Variants in ARHGEF3 observed in about 807,000 individuals in gnomAD.
The protein encoded by ARHGEF3 is 59.8 kDA protein.
Under a neutral mutation model 63.2 loss-of-function variants are expected in ARHGEF3, and 28 were observed. That is an observed-to-expected ratio of 0.44 (90% CI 0.33 to 0.61). The LOEUF is 0.61. Ranked by LOEUF, ARHGEF3 falls within the 20% of genes least tolerant of loss-of-function variation. The pLI is 0.03. For synonymous variants in ARHGEF3, 266 were observed against 254.2 expected, an observed-to-expected ratio of 1.05 and a Z score of -0.44; for missense variants, 533 against 659.3, an observed-to-expected ratio of 0.81 and a Z score of 2.10.
At chr3:56,806,445 G>A (rs1032807091), upstream of ARHGEF3, among the ~76,000 whole-genome samples, 2 of 152,222 alleles carry the variant, frequency 1.3e-5, no homozygotes, top group Non-Finnish European at 2.9e-5. Context: ...CAAAGAAACG[G>A]CACAAAGTGT....
chr3:56,843,619 T>C (rs942085407), intron 4 of ARHGEF3, among the ~76,000 whole-genome samples: 5 of 152,330 alleles, frequency 3.3e-5, no homozygotes, highest in African/African-American at 1.2e-4. Context: ...TGGCAATCTT[T>C]TCATCTTTCA....
chr3:56,835,322 C>A (rs1175312894), intron 4 of ARHGEF3, among the ~76,000 whole-genome samples: 8 of 151,860 alleles, frequency 5.3e-5, no homozygotes, highest in Non-Finnish European at 1.5e-5. Flanking sequence ...ATTACAGGCA[C>A]GTACCACCAT....
At chr3:56,912,000 T>C (rs2041866498) in intron 3 of ARHGEF3, among the ~76,000 whole-genome samples, 1 of 151,704 alleles carries the variant, frequency 6.6e-6, no homozygotes, top group African/African-American at 2.4e-5. Flanking sequence ...TATATACATA[T>C]ATATGTTCAT....
intron 2 of ARHGEF3, among the ~76,000 whole-genome samples, chr3:56,990,235 A>G (rs1035007464): frequency 6.6e-6 from 1 of 152,218 alleles, no homozygotes; most frequent in Admixed American, 6.5e-5. Context: ...TCTGGGGCAA[A>G]GCAAATGGAA....
chr3:56,787,718 G>GATAATAATA lies in ARHGEF3; in HGVS notation c.97-13911_97-13903dup, dbSNP rs58762340. ...CTTCCCAGGATATACAACTTCCTCT[G>GATAATAATA]ATAATAATAATAATAATATAATAGC... is the stretch of plus-strand genomic sequence containing the variant. On this transcript the variant is annotated intron_variant, in intron 1 of 9. Coordinates refer to ENST00000296315, the MANE Select transcript of ARHGEF3 (RefSeq NM_019555.3). 2.8e-3 allele frequency among the ~76,000 whole-genome samples: 421 copies of GATAATAATA among 150,884 alleles called. 1 individual carries two copies. The highest frequency in any genetic ancestry group is 6.0e-3 in the African/African-American group (243 of 40,816).
At chr3:56,944,734 A>ACGCT in intron 3 of ARHGEF3, among the ~76,000 whole-genome samples, 1 of 151,728 alleles carries the variant, frequency 6.6e-6, no homozygotes, top group Non-Finnish European at 1.5e-5. Flanking sequence ...CTGCGCAACC[A>ACGCT]TGTCCAGCTA....
intron 2 of ARHGEF3, among the ~76,000 whole-genome samples, chr3:57,002,684 C>T (rs1480519304): frequency 1.3e-5 from 2 of 148,462 alleles, no homozygotes; most frequent in African/African-American, 4.9e-5. Context: ...CACATTATTT[C>T]GTCACCCAGG....
chr3:56,901,396 G>GTATATGTATATA (rs2041499963), intron 3 of ARHGEF3, among the ~76,000 whole-genome samples: 1 of 151,318 alleles, frequency 6.6e-6, no homozygotes, highest in Non-Finnish European at 1.5e-5. Flanking sequence ...ATATGTATAT[G>GTATATGTATATA]TATATGTATA....
At chr3:56,877,956 A>G (rs1370266876) in intron 4 of ARHGEF3, among the ~76,000 whole-genome samples, 1 of 152,216 alleles carries the variant, frequency 6.6e-6, no homozygotes, top group East Asian at 1.9e-4. Context: ...GTATATAATG[A>G]CAGGAAGGAA....
chr3:56,895,460 AT>A (rs1268899599), intron 3 of ARHGEF3, among the ~76,000 whole-genome samples: 2 of 94,412 alleles, frequency 2.1e-5, no homozygotes, highest in African/African-American at 1.1e-4. Context: ...GTTCTTATTT[AT>A]TTATTTATTT....
chr3:56,732,490 TCTGTGGATAAAGAGGTCC>T, intron 8 of ARHGEF3, 66 bp from the exon 9 acceptor site: 1 of 1,571,558 alleles, frequency 6.4e-7, no homozygotes, highest in Non-Finnish European at 8.7e-7. Context: ...TATGTGGACC[TCTGTGGATAAAGAGGTCC>T]CCAGGTACCA....
intron 1 of ARHGEF3, among the ~76,000 whole-genome samples, chr3:56,798,976 A>G (rs1368885972): frequency 6.6e-6 from 1 of 152,244 alleles, no homozygotes; most frequent in Middle Eastern, 3.2e-3. Context: ...ACTAACAGAC[A>G]TGCAATATTA....
chr3:57,033,770 C>T (rs994375959), intron 2 of ARHGEF3, among the ~76,000 whole-genome samples: 5 of 152,062 alleles, frequency 3.3e-5, no homozygotes, highest in East Asian at 1.9e-4. Context: ...TTAGGCTGGG[C>T]GCGGTGGCTC....
At chr3:56,923,106 T>C (rs1270671563) in intron 3 of ARHGEF3, among the ~76,000 whole-genome samples, 6 of 141,512 alleles carry the variant, frequency 4.2e-5, no homozygotes, top group African/African-American at 1.3e-4. Context: ...CGTGTGCCTA[T>C]AATACCAGCT....
chr3:56,746,254 T>C (rs1166796786), intron 6 of ARHGEF3, among the ~76,000 whole-genome samples: 1 of 152,234 alleles, frequency 6.6e-6, no homozygotes, highest in Non-Finnish European at 1.5e-5. Flanking sequence ...TTGTAACACC[T>C]GCTCTTCAGA....
chr3:56,974,333 C>T (rs1028170938), intron 2 of ARHGEF3, among the ~76,000 whole-genome samples: 13 of 152,034 alleles, frequency 8.6e-5, no homozygotes, highest in African/African-American at 3.1e-4. Flanking sequence ...ATGCTCTTCC[C>T]TTAACTAAAG....
Position 56,763,745 on chromosome 3 carries a change from TA to T in ARHGEF3, c.205-8595del, listed in dbSNP as rs1392615818. 1.1e-4 allele frequency among the ~76,000 whole-genome samples: 17 copies of T among 152,210 alleles called. No individual in the cohort carries two copies. The South Asian group carries it at 2.3e-3, about 20-fold the overall frequency. On this transcript the variant is annotated intron_variant, in intron 2 of 9. Coordinates refer to ENST00000296315, the MANE Select transcript of ARHGEF3 (RefSeq NM_019555.3). ...TATTTTTAATTTTTTGATTTTATTT[TA>T]TTTTTTTTTGTAGGGACAGGGCCTT...
intron 8 of ARHGEF3, among the ~76,000 whole-genome samples, 174 bp downstream of exon 8, chr3:56,737,011 C>G (rs1346609376): frequency 6.6e-6 from 1 of 152,060 alleles, no homozygotes; most frequent in African/African-American, 2.4e-5. Flanking sequence ...ACAAGAATTG[C>G]TTGAACCGGG....
chr3:56,849,966 A>T (rs1187782262), intron 4 of ARHGEF3, among the ~76,000 whole-genome samples: 2 of 152,154 alleles, frequency 1.3e-5, no homozygotes, highest in Non-Finnish European at 2.9e-5. Flanking sequence ...AGATCTTATC[A>T]ATTTTTGTTC....
Sources: allele counts gnomAD v4.1 joint callset (sites outside exome capture counted in the v4.1 genomes callset), GRCh38; gene constraint gnomAD v4.1.1; transcripts MANE v1.5; gene names NCBI Gene and HGNC (gene_info 2026-07-23, HGNC 2026-07-21).